BRAF: variants seen among roughly 807,000 people sequenced by gnomAD.
The protein encoded by BRAF is B-Raf proto-oncogene, serine/threonine kinase.
Under a neutral mutation model 104.6 loss-of-function variants are expected in BRAF, and 16 were observed. The observed-to-expected ratio is 0.15, with a 90% CI of 0.10 to 0.23. The LOEUF (loss-of-function observed/expected upper bound fraction) is 0.23, where lower values mean the gene tolerates loss of function less well. Among genes scored for constraint, BRAF ranks in the 10% least tolerant of loss-of-function variants. The pLI, the probability that BRAF is intolerant of heterozygous loss-of-function variation, is 1.00. For missense variants in BRAF, 541 were observed against 937.3 expected (o/e 0.58, Z 5.52); for synonymous variants, 310 against 341.6 (o/e 0.91, Z 1.02).
At chr7:140,893,577 G>A (rs892900771) in intron 1 of BRAF, among the ~76,000 whole-genome samples, 18 of 152,034 alleles carry the variant, frequency 1.2e-4, no homozygotes, top group African/African-American at 4.1e-4. Context: ...CAAAGAGCAG[G>A]CTCAAATAGA....
At chr7:140,849,504 GCTTT>G (rs145025706) in intron 2 of BRAF, among the ~76,000 whole-genome samples, 181 of 150,208 alleles carry the variant, frequency 1.2e-3, no homozygotes, top group African/African-American at 4.3e-3. Flanking sequence ...AAAACTGTGT[GCTTT>G]CTCTTTAAAA....
chr7:140,767,662 A>G (rs1799458894), intron 14 of BRAF, among the ~76,000 whole-genome samples: 1 of 152,328 alleles, frequency 6.6e-6, no homozygotes, highest in Middle Eastern at 3.4e-3. Flanking sequence ...TAACTGCCCT[A>G]TAACATTAAG....
chr7:140,776,993 T>C lies in BRAF; in HGVS notation c.1733A>G (p.Tyr578Cys). The change falls in exon 14 of 20, where the codon TAT (tyrosine) becomes TGT (cysteine). Residue 578 changes from tyrosine (Y) to cysteine (C), a missense_variant. Physicochemically the swap from Tyr to Cys is radical, Grantham distance 194. Around this residue, in one of 10 missense-constraint regions of BRAF, gnomAD observed 129 missense variants for 285.8 expected, o/e 0.45. Transcript: ENST00000644969. ...VTQWCEGSSL[Y>C]HHLHIIETKF... ...GGTCTCAATGATATGGAGATGGTGA[T>C]ACAAGCTGGAGCCCTCACACCACTG... The C allele has an allele frequency of 6.2e-7, 1 of 1,613,836 alleles. No individual in the cohort carries two copies. Among genetic ancestry groups the C allele is most frequent in the Non-Finnish European group, 8.5e-7 (1 of 1,179,780 alleles).
Position 140,906,133 on chromosome 7 carries a change from AG to A in BRAF, c.138+18432del, listed in dbSNP as rs370365791. 8.1e-3 allele frequency among the ~76,000 whole-genome samples: 1,231 copies of A among 151,130 alleles called. 18 individuals carry two copies. Among genetic ancestry groups the A allele is most frequent in the African/African-American group, 0.028 (1,153 of 40,748 alleles). The stretch of plus-strand genomic sequence containing the variant: ...AGAAATTAAAACATATAATTTATCA[AG>A]GTCAAGTCAATTAATACTTTCTACC... On this transcript the variant is annotated intron_variant, in intron 1 of 19. Coordinates refer to ENST00000644969, the MANE Select transcript of BRAF (RefSeq NM_001374258.1).
chr7:140,719,136 T>C (rs1795205861), downstream of BRAF, among the ~76,000 whole-genome samples: 1 of 152,226 alleles, frequency 6.6e-6, no homozygotes, highest in Non-Finnish European at 1.5e-5. Context: ...CCACTGCAAG[T>C]TGTATAGCAC....
intron 11 of BRAF, 65 bp from the exon 11 acceptor site, chr7:140,781,758 C>G: frequency 7.7e-7 from 1 of 1,298,180 alleles, no homozygotes; most frequent in Middle Eastern, 1.8e-4. Context: ...ATGTTTCACC[C>G]TAAGTACATT....
intron 1 of BRAF, among the ~76,000 whole-genome samples, chr7:140,871,543 G>C (rs1586482196): frequency 6.6e-6 from 1 of 152,172 alleles, no homozygotes; most frequent in East Asian, 1.9e-4. Flanking sequence ...CTTAAGTGTT[G>C]AGGAAACCTA....
chr7:140,745,376 T>C (rs1033300067), intron 17 of BRAF, among the ~76,000 whole-genome samples: 5 of 152,150 alleles, frequency 3.3e-5, no homozygotes, highest in Admixed American at 3.3e-4. Flanking sequence ...TTTTTATACA[T>C]CCCACAGAAT....
chr7:140,824,564 C>T lies in BRAF; in HGVS notation c.504+10045G>A, dbSNP rs1805808047. On this transcript the variant is annotated intron_variant, in intron 3 of 19. Transcript: ENST00000644969. ...TTTGAGATCAGGAAGCATGATGCCC[C>T]CAACTCTGTACTTTTTTTGACTGCT... 2.6e-5 allele frequency among the ~76,000 whole-genome samples: 4 copies of T among 151,914 alleles called. No individual in the cohort carries two copies. In the South Asian group the frequency reaches 8.3e-4, roughly 32 times the overall value.
At chr7:140,857,716 A>G (rs1809958157) in intron 1 of BRAF, among the ~76,000 whole-genome samples, 1 of 152,174 alleles carries the variant, frequency 6.6e-6, no homozygotes, top group Non-Finnish European at 1.5e-5. Flanking sequence ...TCAAGAAGAG[A>G]GATCTAGGAA....
chr7:140,904,517 A>C (rs943589802), intron 1 of BRAF, among the ~76,000 whole-genome samples: 2 of 152,232 alleles, frequency 1.3e-5, no homozygotes, highest in Non-Finnish European at 2.9e-5. Context: ...TCAATGGTCT[A>C]AGATATATCA....
chr7:140,881,433 T>C (rs1333131398), intron 1 of BRAF, among the ~76,000 whole-genome samples: 2 of 152,196 alleles, frequency 1.3e-5, no homozygotes, highest in African/African-American at 4.8e-5. Flanking sequence ...TTTTTAAAAA[T>C]GAATGGAGAC....
intron 18 of BRAF, among the ~76,000 whole-genome samples, chr7:140,737,449 T>C (rs1306937282): frequency 6.6e-6 from 1 of 152,230 alleles, no homozygotes; most frequent in Non-Finnish European, 1.5e-5. Flanking sequence ...CCTAAGTTCA[T>C]TCACCATTTG....
At chr7:140,859,653 T>C (rs1176660809) in intron 1 of BRAF, among the ~76,000 whole-genome samples, 1 of 152,088 alleles carries the variant, frequency 6.6e-6, no homozygotes, top group African/African-American at 2.4e-5. Flanking sequence ...AAAATAATTT[T>C]TCCCCCATGG....
At chr7:140,876,525 T>C (rs1812281815) in intron 1 of BRAF, among the ~76,000 whole-genome samples, 1 of 152,292 alleles carries the variant, frequency 6.6e-6, no homozygotes, top group East Asian at 1.9e-4. Context: ...AAGACAAGAT[T>C]GTTAGAATGA....
intron 13 of BRAF, 41 bp downstream of exon 12, chr7:140,777,950 T>A (rs1052540754): frequency 5.0e-6 from 8 of 1,588,798 alleles, no homozygotes; most frequent in Non-Finnish European, 6.9e-6. Flanking sequence ...CTAATAAAAA[T>A]AACTTCTTTC....
At position 140,720,383 on chromosome 7, in the gene BRAF, C is replaced by G. The variant is rs553066337; in HGVS notation, c.*6111G>C. On this transcript the variant is annotated 3_prime_UTR_variant, in exon 20 of 20. Transcript: ENST00000644969. ...GAAGGGGACAGCACAGAGACATACA[C>G]CCCTGTATGTAAACTAACATAACAT... The G allele has an allele frequency of 4.7e-6, 5 of 1,062,034 alleles. No individual in the cohort carries two copies. The highest frequency in any genetic ancestry group is 5.7e-6 in the Non-Finnish European group (5 of 877,326). 65.8% of individuals were successfully genotyped at this position (1,062,034 alleles called of 1,614,324 possible).
chr7:140,831,882 G>A (rs539127759), intron 3 of BRAF, among the ~76,000 whole-genome samples: 2 of 152,222 alleles, frequency 1.3e-5, no homozygotes, highest in South Asian at 4.2e-4. Flanking sequence ...TTACTCTGAC[G>A]ACTACCCAAG....
intron 19 of BRAF, chr7:140,730,768 G>GT (rs1027494087): frequency 6.6e-6 from 1 of 151,354 alleles, no homozygotes; most frequent in Non-Finnish European, 1.5e-5. Context: ...AAATATCATG[G>GT]TTTATGTGAA....
Sources: allele counts gnomAD v4.1 joint callset (sites outside exome capture counted in the v4.1 genomes callset), GRCh38; gene constraint gnomAD v4.1.1; regional missense constraint gnomAD v4.1.1; transcripts MANE v1.5; gene names NCBI Gene and HGNC (gene_info 2026-07-23, HGNC 2026-07-21).